PCDHGA3: variants seen among roughly 807,000 people sequenced by gnomAD.
The protein encoded by PCDHGA3 is protocadherin gamma subfamily A, 3.
A neutral mutation model predicts 58.5 loss-of-function variants in PCDHGA3; 40 were observed. That is an observed-to-expected ratio of 0.68 (90% CI 0.53 to 0.89). PCDHGA3 has a LOEUF of 0.89. PCDHGA3 is among the 40% of genes least tolerant of loss of function. The pLI is 0.00. For missense variants in PCDHGA3, 1,223 were observed against 1,195.9 expected (o/e 1.02, Z -0.33); for synonymous variants, 530 against 525.7 (o/e 1.01, Z -0.11).
chr5:141,398,704 G>A (rs1044524998), intron 1 of PCDHGA3: 9 of 1,613,808 alleles, frequency 5.6e-6, no homozygotes, highest in Non-Finnish European at 7.6e-6. Flanking sequence ...TAAATACCCG[G>A]AACTGGCACT....
chr5:141,399,691 C>T (rs2093867392), intron 1 of PCDHGA3: 1 of 1,613,362 alleles, frequency 6.2e-7, no homozygotes, highest in Admixed American at 1.7e-5. Flanking sequence ...CGAGCAGCTG[C>T]GCACCTTCGA....
chr5:141,455,107 C>T (rs1027661420), intron 1 of PCDHGA3, among the ~76,000 whole-genome samples: 20 of 151,774 alleles, frequency 1.3e-4, no homozygotes, highest in Non-Finnish European at 2.4e-4. Context: ...CCACTGCGCC[C>T]GGTGGGTCTA....
intron 1 of PCDHGA3, chr5:141,392,984 G>A: frequency 1.2e-6 from 2 of 1,613,914 alleles, no homozygotes; most frequent in Non-Finnish European, 1.7e-6. Context: ...TGGACCCCCG[G>A]AAGCTGGCGA....
chr5:141,468,820 C>G (rs1055751689), intron 1 of PCDHGA3, among the ~76,000 whole-genome samples: 1 of 151,830 alleles, frequency 6.6e-6, no homozygotes, highest in Non-Finnish European at 1.5e-5. Context: ...GAGCCAAGAT[C>G]AAGCCACTGC....
At chr5:141,447,082 T>C (rs1259827606) in intron 1 of PCDHGA3, among the ~76,000 whole-genome samples, 3 of 152,156 alleles carry the variant, frequency 2.0e-5, no homozygotes, top group Non-Finnish European at 2.9e-5. Context: ...ATTTTTGTTG[T>C]TTAATTTTCT....
chr5:141,422,450 G>C (rs748354292), intron 1 of PCDHGA3: 71 of 1,611,564 alleles, frequency 4.4e-5, no homozygotes, highest in Non-Finnish European at 5.9e-5. Flanking sequence ...TTGATAACAA[G>C]CAGAGTGCTG....
chr5:141,481,509 T>C (rs2154578624), intron 1 of PCDHGA3, among the ~76,000 whole-genome samples: 2 of 152,326 alleles, frequency 1.3e-5, no homozygotes, highest in Middle Eastern at 3.4e-3. Context: ...GTATGTGAAT[T>C]ATGTCTCAGT....
chr5:141,357,488 C>G (rs1230103133), intron 1 of PCDHGA3: 2 of 1,614,218 alleles, frequency 1.2e-6, no homozygotes, highest in Admixed American at 1.7e-5. Context: ...ACCGCGGACT[C>G]GCGGAAGAGT....
intron 1 of PCDHGA3, chr5:141,424,481 G>A (rs1397559058): frequency 6.6e-6 from 1 of 152,056 alleles, no homozygotes; most frequent in Non-Finnish European, 1.5e-5. Flanking sequence ...TTACTTTGGT[G>A]TCTGTGTTTG....
At chr5:141,400,411 T>G in intron 1 of PCDHGA3, 1 of 1,614,062 alleles carries the variant, frequency 6.2e-7, no homozygotes, top group Non-Finnish European at 8.5e-7. Flanking sequence ...GGAGTTTAAT[T>G]TCCTAAAATG....
rs761831761 is a variant in PCDHGA3 at position 141,485,471 on chromosome 5, G to A, written c.2425-9336G>A. The A allele has an allele frequency of 4.3e-6, 7 of 1,614,144 alleles. No homozygotes were observed. The Admixed American group carries it at 5.0e-5, about 12-fold the overall frequency. On this transcript the variant is annotated intron_variant, in intron 1 of 3. Transcript: ENST00000253812. This position sits in a 1 kb window ranked among gnomAD's most constrained non-coding sequence, Gnocchi z 5.7. ...CCGAGAGGCACTGTGTGGGCTCAGT[G>A]CCAGCTGCATCGTGCCCCTGGAGTT...
At position 141,343,883 on chromosome 5, in the gene PCDHGA3, C is replaced by G; in HGVS notation, c.-151C>G. The G allele has an allele frequency of 1.6e-6, 1 of 644,780 alleles. No homozygotes were observed. Among genetic ancestry groups the G allele is most frequent in the Non-Finnish European group, 2.6e-6 (1 of 388,110 alleles). The allele number at this position is 644,780 out of a possible 1,614,324, so 39.9% of individuals were successfully genotyped here. A position where few individuals can be genotyped will look rare whatever the true frequency, so the allele number is the denominator to read the frequency against. The stretch of plus-strand genomic sequence containing the variant: ...ACCAGCAAATCAGACTCAGAAGATC[C>G]GGGGCGGCTGCCAACCTCACCTCTT... On this transcript the variant is annotated 5_prime_UTR_variant, in exon 1 of 4. Transcript: ENST00000253812.
chr5:141,431,114 G>T lies in PCDHGA3; in HGVS notation c.2425-63693G>T. On this transcript the variant is annotated intron_variant, in intron 1 of 3. Coordinates refer to ENST00000253812, the MANE Select transcript of PCDHGA3 (RefSeq NM_018916.4). This position sits in a 1 kb window ranked among gnomAD's most constrained non-coding sequence, Gnocchi z 4.8. The stretch of plus-strand genomic sequence containing the variant: ...GGAGGATAAAGTGAAAATATATGGA[G>T]TAGAAGTAGAAGTAAGGGACATTAA... 6.2e-7 allele frequency: 1 copy of T among 1,614,158 alleles called. No individual in the cohort carries two copies.
chr5:141,408,469 A>G (rs1454570616), intron 1 of PCDHGA3: 2 of 1,614,078 alleles, frequency 1.2e-6, no homozygotes, highest in South Asian at 2.2e-5. Flanking sequence ...TGAAGAACCG[A>G]ATAGACCGTG....
Position 141,485,418 on chromosome 5 carries a change from G to A in PCDHGA3, c.2425-9389G>A. ...CACTTCCGTGTGGATTTGGACAGCG[G>A]AGCCCTGCTCATCAAGAACCCAATC... On this transcript the variant is annotated intron_variant, in intron 1 of 3. Transcript: ENST00000253812. This position sits in a 1 kb window ranked among gnomAD's most constrained non-coding sequence, Gnocchi z 5.7. 6.2e-7 allele frequency: 1 copy of A among 1,614,174 alleles called. No homozygotes were observed. The highest frequency in any genetic ancestry group is 8.5e-7 in the Non-Finnish European group (1 of 1,180,042).
chr5:141,375,000 A>G (rs1771022536), intron 1 of PCDHGA3: 3 of 1,614,046 alleles, frequency 1.9e-6, no homozygotes, highest in Non-Finnish European at 8.5e-7. Context: ...ACTTCTGCAA[A>G]TCTAGACTAT....
At chr5:141,475,715 C>T (rs989484033) in intron 1 of PCDHGA3, among the ~76,000 whole-genome samples, 1 of 152,366 alleles carries the variant, frequency 6.6e-6, no homozygotes, top group African/African-American at 2.4e-5. Context: ...AGCCTCACAG[C>T]CCCAAGGCTG....
intron 1 of PCDHGA3, chr5:141,414,817 A>C: frequency 6.2e-7 from 1 of 1,614,214 alleles, no homozygotes; most frequent in Non-Finnish European, 8.5e-7. Context: ...TCCACTCAGC[A>C]GCAACGTGTC....
At chr5:141,348,095 G>A (rs1225557154) in intron 1 of PCDHGA3, among the ~76,000 whole-genome samples, 1 of 152,176 alleles carries the variant, frequency 6.6e-6, no homozygotes, top group African/African-American at 2.4e-5. Context: ...GAAATTGTTG[G>A]CTTATTCTGC....
Sources: allele counts gnomAD v4.1 joint callset (sites outside exome capture counted in the v4.1 genomes callset), GRCh38; gene constraint gnomAD v4.1.1; non-coding constraint Gnocchi (gnomAD v3.1); transcripts MANE v1.5; gene names NCBI Gene and HGNC (gene_info 2026-07-23, HGNC 2026-07-21).